Variants in RAB9B observed in about 807,000 individuals in gnomAD.
The protein encoded by RAB9B is ras-related protein Rab-9B.
A neutral mutation model predicts 8.9 loss-of-function variants in RAB9B; 1 was observed. That is an observed-to-expected ratio of 0.11 (90% CI 0.04 to 0.53). The LOEUF (loss-of-function observed/expected upper bound fraction) is 0.53, where lower values mean the gene tolerates loss of function less well. Among genes scored for constraint, RAB9B ranks in the 20% least tolerant of loss-of-function variants. The pLI is 0.93. For missense variants in RAB9B, 82 were observed against 152.9 expected (o/e 0.54, Z 2.45); for synonymous variants, 63 against 57.0 (o/e 1.10, Z -0.47).
At chrX:103,815,135 CA>C in the RAB9B span, among the ~76,000 whole-genome samples, 1 of 111,710 alleles carries the variant, frequency 9.0e-6, no homozygotes, top group Non-Finnish European at 1.9e-5. Flanking sequence ...ACAGACACAA[CA>C]AAAAAAGAGA....
chrX:103,790,669 A>T, the RAB9B span: 1 of 793,037 alleles, frequency 1.3e-6, no homozygotes, highest in African/African-American at 2.0e-5. Context: ...TGCGTCTCCC[A>T]TCTTAACTCT....
the RAB9B span, chrX:103,785,712 G>A: frequency 8.3e-7 from 1 of 1,210,589 alleles, no homozygotes; most frequent in African/African-American, 1.7e-5. Context: ...GCACAGAAAA[G>A]CTAATTGAGA....
At chrX:103,819,832 T>C (rs2074652829), downstream of RAB9B, among the ~76,000 whole-genome samples, 1 of 112,383 alleles carries the variant, frequency 8.9e-6, no homozygotes, top group South Asian at 3.7e-4. Flanking sequence ...CATTAGTGAA[T>C]ATCCCAAATC....
the RAB9B span, among the ~76,000 whole-genome samples, chrX:103,807,805 G>A: frequency 3.6e-5 from 4 of 111,836 alleles, no homozygotes; most frequent in African/African-American, 1.3e-4. Flanking sequence ...GAGACTCATG[G>A]CCCTGGGGTG....
chrX:103,787,199 G>A, the RAB9B span, among the ~76,000 whole-genome samples: 3 of 111,745 alleles, frequency 2.7e-5, no homozygotes, highest in African/African-American at 9.8e-5. Flanking sequence ...AGGTCCCAGA[G>A]GGAATTGGAG....
At chrX:103,793,636 C>T in the RAB9B span, among the ~76,000 whole-genome samples, 17 of 107,079 alleles carry the variant, frequency 1.6e-4, no homozygotes, top group African/African-American at 5.8e-4. Flanking sequence ...TCAGAGGAAC[C>T]GAAAGCCAGT....
chrX:103,800,883 C>A, the RAB9B span, among the ~76,000 whole-genome samples: 285 of 111,692 alleles, frequency 2.6e-3, 1 homozygote, highest in African/African-American at 8.5e-3. Context: ...CATGCTGGGA[C>A]AACTCCAATT....
the RAB9B span, among the ~76,000 whole-genome samples, chrX:103,814,248 C>G: frequency 8.9e-6 from 1 of 112,055 alleles, no homozygotes; most frequent in African/African-American, 3.2e-5. Flanking sequence ...TCTCAGACCA[C>G]AGTGCAATCA....
At chrX:103,777,329 C>T in the RAB9B span, among the ~76,000 whole-genome samples, 2 of 111,393 alleles carry the variant, frequency 1.8e-5, no homozygotes, top group Admixed American at 9.6e-5. Flanking sequence ...GCCCTGGCAA[C>T]GGTTGGGTCA....
downstream of RAB9B, among the ~76,000 whole-genome samples, chrX:103,821,743 T>C (rs1436533703): frequency 3.6e-5 from 4 of 111,971 alleles, no homozygotes; most frequent in Admixed American, 3.8e-4. Flanking sequence ...GTTTAACATT[T>C]ATCTTATTTT....
At chrX:103,786,660 A>T in the RAB9B span, 1 of 1,209,409 alleles carries the variant, frequency 8.3e-7, no homozygotes, top group Admixed American at 2.2e-5. Context: ...CCAGAGGCCA[A>T]CATCAAGCTC....
the RAB9B span, chrX:103,787,017 T>C: frequency 2.8e-6 from 1 of 362,269 alleles, no homozygotes; most frequent in Non-Finnish European, 4.8e-6. Context: ...GGTATCCCTT[T>C]GTTCCCTTCC....
At chrX:103,821,871 C>T (rs1392020144), downstream of RAB9B, among the ~76,000 whole-genome samples, 1 of 111,158 alleles carries the variant, frequency 9.0e-6, no homozygotes, top group African/African-American at 3.3e-5. Flanking sequence ...TTAGTGTACC[C>T]ATCACCAGAA....
At chrX:103,808,035 G>C in the RAB9B span, among the ~76,000 whole-genome samples, 1 of 111,819 alleles carries the variant, frequency 8.9e-6, no homozygotes, top group East Asian at 2.8e-4. Context: ...GAGCCAGAGT[G>C]GGGGAGAGAA....
rs1018982311 is a variant in RAB9B, at chrX:103,823,192, A to C, written c.*1987T>G. Reference sequence around the variant, plus strand: ...AGCATTTAACAGTTCTGACGTACAGATTTTCACCCTAACATGATTGTAGCA... The same window carrying C: ...AGCATTTAACAGTTCTGACGTACAGCTTTTCACCCTAACATGATTGTAGCA... On this transcript the variant is annotated 3_prime_UTR_variant, in exon 3 of 3. Transcript: ENST00000243298. 2.7e-5 allele frequency: 3 copies of C among 111,238 alleles called. No individual in the cohort carries two copies. The highest frequency in any genetic ancestry group is 3.8e-5 in the Non-Finnish European group (2 of 53,044). 9.2% of individuals were successfully genotyped at this position (111,238 alleles called of 1,213,427 possible).
chrX:103,790,810 C>A, the RAB9B span: 2 of 434,613 alleles, frequency 4.6e-6, no homozygotes. Flanking sequence ...TGCTTCATAG[C>A]TGGTTCCTGC....
the RAB9B span, among the ~76,000 whole-genome samples, chrX:103,790,200 G>A: frequency 8.9e-6 from 1 of 112,169 alleles, no homozygotes; most frequent in East Asian, 2.8e-4. Context: ...TAAGTCACTC[G>A]GACATATTGA....
chrX:103,808,651 A>T, the RAB9B span, among the ~76,000 whole-genome samples: 1 of 112,878 alleles, frequency 8.9e-6, no homozygotes, highest in Admixed American at 9.3e-5. Context: ...CCACCTTCTC[A>T]TGATTCTGTA....
chrX:103,777,428 AC>A, the RAB9B span, among the ~76,000 whole-genome samples: 14 of 111,904 alleles, frequency 1.3e-4, no homozygotes, highest in African/African-American at 4.5e-4. Flanking sequence ...CAAACTTTGA[AC>A]CATGTTTGGC....
Sources: gnomAD v4.1 joint callset for allele counts (sites outside exome capture counted in the v4.1 genomes callset) on GRCh38, gnomAD v4.1.1 for gene constraint, MANE v1.5 for transcripts, NCBI Gene and HGNC (gene_info 2026-07-23, HGNC 2026-07-21) for gene names.